GMDS: variants seen among roughly 807,000 people sequenced by gnomAD.
The protein encoded by GMDS is GDP-mannose 4,6-dehydratase.
A neutral mutation model predicts 49.9 loss-of-function variants in GMDS; 20 were observed. The ratio of observed to expected loss-of-function variants is 0.40; its 90% CI spans 0.28 to 0.58. The LOEUF (loss-of-function observed/expected upper bound fraction) is 0.58. Ranked by LOEUF, GMDS falls within the 20% of genes least tolerant of loss-of-function variation. The pLI is 0.42. For synonymous variants in GMDS, 177 were observed against 178.6 expected (o/e 0.99, Z 0.07); for missense variants, 362 against 481.4 (o/e 0.75, Z 2.32).
chr6:2,217,099 C>G (rs1780378079), intron 1 of GMDS, among the ~76,000 whole-genome samples: 1 of 152,200 alleles, frequency 6.6e-6, no homozygotes, highest in Non-Finnish European at 1.5e-5. Flanking sequence ...CTGCACCCAG[C>G]TCAGAACACA....
intron 7 of GMDS, among the ~76,000 whole-genome samples, chr6:1,899,658 T>A (rs765961586): frequency 3.9e-5 from 6 of 152,232 alleles, no homozygotes; most frequent in African/African-American, 7.2e-5. Flanking sequence ...AACAATCTCC[T>A]AAGGCTTCAG....
intron 4 of GMDS, among the ~76,000 whole-genome samples, chr6:1,998,612 C>T (rs963761374): frequency 2.0e-5 from 3 of 152,098 alleles, no homozygotes; most frequent in Non-Finnish European, 2.9e-5. Flanking sequence ...ATTTTAATAA[C>T]ATACAAGAAT....
chr6:1,999,131 G>C (rs961517610), intron 4 of GMDS, among the ~76,000 whole-genome samples: 2 of 152,046 alleles, frequency 1.3e-5, no homozygotes. Context: ...AGACCAGCCT[G>C]GCCAACATGG....
chr6:2,004,841 T>C lies in GMDS; in HGVS notation c.346-43875A>G, dbSNP rs114805055. On this transcript the variant is annotated intron_variant, in intron 4 of 10. Coordinates refer to ENST00000380815, the MANE Select transcript of GMDS (RefSeq NM_001500.4). ...AAGAAAGCTTTCAGTGGGTTTCTGA[T>C]GTTTGGATTTAATAATGCTCGTTAG... is the stretch of plus-strand genomic sequence containing the variant. 5.6e-3 allele frequency among the ~76,000 whole-genome samples: 852 copies of C among 152,306 alleles called. 6 individuals are homozygous for C. The highest frequency in any genetic ancestry group is 0.019 in the African/African-American group (796 of 41,564).
chr6:2,073,676 C>G (rs548298791), intron 4 of GMDS, among the ~76,000 whole-genome samples: 1 of 152,302 alleles, frequency 6.6e-6, no homozygotes, highest in Non-Finnish European at 1.5e-5. Context: ...CCCACACATC[C>G]TTCCCACTCT....
intron 9 of GMDS, among the ~76,000 whole-genome samples, chr6:1,631,098 C>T (rs992928013): frequency 6.6e-6 from 1 of 152,092 alleles, no homozygotes; most frequent in Non-Finnish European, 1.5e-5. Flanking sequence ...TTGAGTGGAC[C>T]GATTAGGGAC....
chr6:1,664,304 C>G (rs1324812251), intron 9 of GMDS, among the ~76,000 whole-genome samples: 1 of 152,224 alleles, frequency 6.6e-6, no homozygotes, highest in Non-Finnish European at 1.5e-5. Flanking sequence ...CCCCAGATTT[C>G]TGGATCATCC....
intron 9 of GMDS, among the ~76,000 whole-genome samples, chr6:1,660,137 G>A (rs954050569): frequency 2.6e-5 from 4 of 152,120 alleles, no homozygotes; most frequent in African/African-American, 4.8e-5. Flanking sequence ...ATGTACACCC[G>A]CATCCTTCCT....
At position 1,878,051 on chromosome 6, in the gene GMDS, C is replaced by T. The variant is rs546282629; in HGVS notation, c.771+52052G>A. ...AAGTCCTGCTGGGCGCGGTGGCTCA[C>T]GCCTGTCATCCCAGCACTCTGGGAG... On this transcript the variant is annotated intron_variant, in intron 7 of 10. Transcript: ENST00000380815. Among the ~76,000 whole-genome samples, 18 of 152,234 alleles carry T rather than the reference C, an allele frequency of 1.2e-4. No individual in the cohort carries two copies. In the South Asian group the frequency reaches 1.9e-3, roughly 16 times the overall value.
intron 4 of GMDS, among the ~76,000 whole-genome samples, chr6:2,038,811 A>C (rs1211185706): frequency 3.3e-5 from 5 of 152,214 alleles, no homozygotes; most frequent in Non-Finnish European, 7.3e-5. Context: ...CTCTGGACAT[A>C]TAGTTGCTCA....
chr6:2,086,568 G>A (rs1773028160), intron 4 of GMDS, among the ~76,000 whole-genome samples: 1 of 152,236 alleles, frequency 6.6e-6, no homozygotes, highest in Non-Finnish European at 1.5e-5. Flanking sequence ...CTGACTCGGG[G>A]ACTTCGAAAC....
At chr6:2,192,939 C>A (rs142295735) in intron 1 of GMDS, among the ~76,000 whole-genome samples, 16 of 152,340 alleles carry the variant, frequency 1.1e-4, no homozygotes, top group Non-Finnish European at 4.4e-5. Flanking sequence ...AGAAAAATGA[C>A]ACCCCAAAGA....
chr6:1,805,839 G>A (rs867540842), intron 7 of GMDS, among the ~76,000 whole-genome samples: 1 of 152,146 alleles, frequency 6.6e-6, no homozygotes, highest in South Asian at 2.1e-4. Flanking sequence ...GCATTTTTAA[G>A]ACTGTCAAGA....
At chr6:1,978,753 C>T (rs1329066752) in intron 4 of GMDS, among the ~76,000 whole-genome samples, 1 of 152,204 alleles carries the variant, frequency 6.6e-6, no homozygotes, top group Non-Finnish European at 1.5e-5. Flanking sequence ...AAAAAGCAGC[C>T]AGATTGTTTT....
chr6:2,149,767 C>A (rs1776756117), intron 1 of GMDS, among the ~76,000 whole-genome samples: 1 of 152,184 alleles, frequency 6.6e-6, no homozygotes, highest in Non-Finnish European at 1.5e-5. Flanking sequence ...ATTTGCTCGT[C>A]CCCAGAACCC....
intron 9 of GMDS, among the ~76,000 whole-genome samples, chr6:1,722,971 G>C (rs982048013): frequency 3.3e-5 from 5 of 152,158 alleles, no homozygotes; most frequent in Non-Finnish European, 7.4e-5. Context: ...CCTGTAGGCA[G>C]AGTACCAAAA....
intron 9 of GMDS, among the ~76,000 whole-genome samples, chr6:1,722,758 C>T (rs1374896618): frequency 2.0e-5 from 3 of 152,332 alleles, no homozygotes; most frequent in East Asian, 3.9e-4. Context: ...AGCATAATTA[C>T]CACTTTCTCT....
intron 7 of GMDS, among the ~76,000 whole-genome samples, chr6:1,899,686 C>T (rs1760399485): frequency 6.6e-6 from 1 of 152,238 alleles, no homozygotes; most frequent in Non-Finnish European, 1.5e-5. Context: ...TTAGCTCACA[C>T]TGTTTTGTAA....
intron 7 of GMDS, among the ~76,000 whole-genome samples, chr6:1,849,754 T>G (rs1434264374): frequency 1.3e-5 from 2 of 152,186 alleles, no homozygotes; most frequent in African/African-American, 4.8e-5. Context: ...CCCTATTATG[T>G]CTAGAGACTC....
Sources: allele counts gnomAD v4.1 joint callset (sites outside exome capture counted in the v4.1 genomes callset), GRCh38; gene constraint gnomAD v4.1.1; transcripts MANE v1.5; gene names NCBI Gene and HGNC (gene_info 2026-07-23, HGNC 2026-07-21).